Variants in FBXL2 observed in about 807,000 individuals in gnomAD.
FBXL2 encodes the protein F-box/LRR-repeat protein 2.
FBXL2 carries 38 observed loss-of-function variants against 69.2 expected under a neutral mutation model. That is an observed-to-expected ratio of 0.55 (90% confidence interval 0.42 to 0.72). The LOEUF (loss-of-function observed/expected upper bound fraction) is 0.72, where lower values mean the gene tolerates loss of function less well. Ranked by LOEUF, FBXL2 falls within the 30% of genes least tolerant of loss-of-function variation. The probability of loss-of-function intolerance (pLI) is 0.00; values close to 1 mark genes in which losing one functional copy is unlikely to be tolerated. For synonymous variants in FBXL2, 192 were observed against 201.3 expected (o/e 0.95, Z 0.39); for missense variants, 354 against 520.3 (o/e 0.68, Z 3.11).
intron 2 of FBXL2, among the ~76,000 whole-genome samples, chr3:33,304,626 G>A (rs902361175): frequency 6.6e-6 from 1 of 152,002 alleles, no homozygotes; most frequent in Non-Finnish European, 1.5e-5. Context: ...CCTCGTAGAT[G>A]TCTCCTGGTG....
downstream of FBXL2, chr3:33,390,316 A>G (rs139935797): frequency 8.9e-5 from 144 of 1,613,164 alleles, 1 homozygote; most frequent in Admixed American, 7.8e-4. Flanking sequence ...AATACAGTTC[A>G]GTCTATATAA....
intron 14 of FBXL2, among the ~76,000 whole-genome samples, chr3:33,384,597 T>C (rs765455521): frequency 3.9e-5 from 6 of 152,196 alleles, no homozygotes; most frequent in Non-Finnish European, 8.8e-5. Flanking sequence ...TTTCCTGTTA[T>C]GCAATAGTTA....
At chr3:33,322,329 C>T (rs1032722635) in intron 2 of FBXL2, among the ~76,000 whole-genome samples, 3 of 152,108 alleles carry the variant, frequency 2.0e-5, no homozygotes, top group South Asian at 2.1e-4. Context: ...CTGCCCACCT[C>T]GGCCTCCAAA....
At chr3:33,411,582 T>C in the FBXL2 span, 1 of 1,613,942 alleles carries the variant, frequency 6.2e-7, no homozygotes, top group Non-Finnish European at 8.5e-7. Flanking sequence ...AATCCAAACC[T>C]GAATGAAAGC....
intron 5 of FBXL2, among the ~76,000 whole-genome samples, chr3:33,367,447 C>T (rs1210835261): frequency 6.6e-6 from 1 of 152,124 alleles, no homozygotes; most frequent in East Asian, 1.9e-4. Flanking sequence ...TGGTAGTCTG[C>T]GTCTTTCAAG....
chr3:33,278,065 G>C (rs544655270), intron 1 of FBXL2: 1 of 152,080 alleles, frequency 6.6e-6, no homozygotes, highest in Non-Finnish European at 1.5e-5. Flanking sequence ...AAAAAATAGA[G>C]GGCATTAAGC....
Position 33,364,078 on chromosome 3 carries a change from A to G in FBXL2, c.196-547A>G, listed in dbSNP as rs551630344. 3.8e-4 allele frequency among the ~76,000 whole-genome samples: 58 copies of G among 152,338 alleles called. 1 individual carries two copies. The highest frequency in any genetic ancestry group is 1.4e-3 in the African/African-American group (57 of 41,582). ...TCATTTTCTTTTTGCTTCCTCTAATATCTCTGCCAGTACTCAACAAAAGTT... is the reference window on the plus strand; with the variant it reads ...TCATTTTCTTTTTGCTTCCTCTAATGTCTCTGCCAGTACTCAACAAAAGTT... On this transcript the variant is annotated intron_variant, in intron 4 of 14. Transcript: ENST00000484457.
At chr3:33,373,954 C>T in intron 9 of FBXL2, 33 bp downstream of exon 9, 1 of 1,607,308 alleles carries the variant, frequency 6.2e-7, no homozygotes, top group Non-Finnish European at 8.5e-7. Context: ...ACACTGTTTG[C>T]TCTATCTTGT....
the FBXL2 span, among the ~76,000 whole-genome samples, chr3:33,413,140 T>C: frequency 1.3e-5 from 2 of 152,164 alleles, no homozygotes; most frequent in East Asian, 1.9e-4. Context: ...AAGAATTACA[T>C]TCCTATAAAG....
the FBXL2 span, among the ~76,000 whole-genome samples, chr3:33,419,297 C>T: frequency 6.6e-6 from 1 of 152,040 alleles, no homozygotes; most frequent in Non-Finnish European, 1.5e-5. Flanking sequence ...GAGTTCAAGA[C>T]CAGCCTGACC....
intron 12 of FBXL2, chr3:33,400,349 C>T: frequency 7.7e-7 from 1 of 1,306,762 alleles, no homozygotes; most frequent in African/African-American, 1.6e-5. Flanking sequence ...AAACAAAACA[C>T]AGAAAGCCTC....
chr3:33,373,185 A>G, intron 6 of FBXL2, 25 bp downstream of exon 6: 4 of 1,612,702 alleles, frequency 2.5e-6, no homozygotes, highest in South Asian at 2.2e-5. Context: ...TTAATTGGTG[A>G]CCAAATAGCC....
intron 1 of FBXL2, among the ~76,000 whole-genome samples, chr3:33,280,713 C>CAAAAAAAA (rs34093056): frequency 6.1e-5 from 5 of 81,382 alleles, no homozygotes; most frequent in Admixed American, 1.3e-4. Context: ...GCCCTGTATC[C>CAAAAAAAA]AAAAAAAAAA....
chr3:33,326,543 T>A (rs200157336), intron 2 of FBXL2, among the ~76,000 whole-genome samples: 1 of 151,414 alleles, frequency 6.6e-6, no homozygotes, highest in East Asian at 1.9e-4. Context: ...CCGCATAGAA[T>A]TCAAGGTTTT....
the FBXL2 span, chr3:33,416,659 GTAATACAACAATTATTGAAGTGAAAT>G: frequency 1.1e-6 from 1 of 914,840 alleles, no homozygotes; most frequent in Non-Finnish European, 1.6e-6. Flanking sequence ...TTAAAAAGTT[GTAATACAACAATTATTGAAGTGAAAT>G]TAATTTTTTT....
At chr3:33,368,286 A>G (rs1299773968) in intron 5 of FBXL2, among the ~76,000 whole-genome samples, 1 of 152,228 alleles carries the variant, frequency 6.6e-6, no homozygotes, top group African/African-American at 2.4e-5. Flanking sequence ...TCAACTAATA[A>G]AAGGAGTATT....
chr3:33,312,895 T>A (rs1575157512), intron 2 of FBXL2, among the ~76,000 whole-genome samples: 1 of 151,442 alleles, frequency 6.6e-6, no homozygotes, highest in Non-Finnish European at 1.5e-5. Context: ...CTGAGGCAGG[T>A]GGATTGCCTG....
chr3:33,419,625 T>C, the FBXL2 span, among the ~76,000 whole-genome samples: 1 of 122,908 alleles, frequency 8.1e-6, no homozygotes, highest in Non-Finnish European at 1.6e-5. Flanking sequence ...GGAGACTCCA[T>C]CTCAAAAAAA....
intron 11 of FBXL2, 113 bp downstream of exon 11, chr3:33,377,446 A>G: frequency 1.0e-6 from 1 of 995,300 alleles, no homozygotes; most frequent in Non-Finnish European, 1.6e-6. Flanking sequence ...GACAGGCACA[A>G]AGTAGAGTAG....
Sources: gnomAD v4.1 joint callset for allele counts (sites outside exome capture counted in the v4.1 genomes callset) on GRCh38, gnomAD v4.1.1 for gene constraint, MANE v1.5 for transcripts, NCBI Gene and HGNC (gene_info 2026-07-23, HGNC 2026-07-21) for gene names.